The following BMPR2 variants were observed in gnomAD, a reference collection of about 807,000 sequenced individuals.
BMPR2 encodes the protein bone morphogenetic protein receptor type-2.
In BMPR2, 29 loss-of-function variants were observed where a neutral mutation model predicts 100.8. The ratio of observed to expected loss-of-function variants is 0.29; its 90% confidence interval spans 0.21 to 0.39. The LOEUF (loss-of-function observed/expected upper bound fraction) is 0.39. Ranked by LOEUF, BMPR2 falls within the 10% of genes least tolerant of loss-of-function variation. The pLI is 1.00. For missense variants in BMPR2, 1,011 were observed against 1,274.5 expected, an observed-to-expected ratio of 0.79 and a Z score of 3.15; for synonymous variants, 382 against 442.3, an observed-to-expected ratio of 0.86 and a Z score of 1.71.
rs1688677464 is a variant in BMPR2 at position 202,561,426 on chromosome 2, T to C, written c.*1480T>C. ...AGCCCTTTGCTTCTTTCATTACTTA[T>C]AATCTCCTCTAAAACAACCTCTGCA... On this transcript the variant is annotated 3_prime_UTR_variant, in exon 13 of 13. Coordinates refer to ENST00000374580, the MANE Select transcript of BMPR2 (RefSeq NM_001204.7). 1 of 152,160 alleles carries C rather than the reference T, an allele frequency of 6.6e-6. No individual in the cohort carries two copies. The highest frequency in any genetic ancestry group is 2.4e-5 in the African/African-American group (1 of 41,460). 9.4% of individuals were successfully genotyped at this position (152,160 alleles called of 1,614,324 possible).
chr2:202,485,543 A>ATTTTTTTTTTTT (rs1574472655), intron 3 of BMPR2, among the ~76,000 whole-genome samples: 10 of 14,052 alleles, frequency 7.1e-4, no homozygotes, highest in South Asian at 7.9e-3. Flanking sequence ...CTTTGCCTTT[A>ATTTTTTTTTTTT]TCTTTTTTTT....
intron 1 of BMPR2, among the ~76,000 whole-genome samples, chr2:202,379,866 C>CT (rs953107670): frequency 2.0e-5 from 3 of 149,654 alleles, no homozygotes; most frequent in African/African-American, 7.4e-5. Flanking sequence ...TTCTTTCTTT[C>CT]TTTTTTGTTC....
At chr2:202,508,744 A>G (rs1016924179) in intron 3 of BMPR2, among the ~76,000 whole-genome samples, 1 of 152,242 alleles carries the variant, frequency 6.6e-6, no homozygotes, top group African/African-American at 2.4e-5. Flanking sequence ...ATATAGTAGT[A>G]AGTTTTTTAT....
chr2:202,492,761 T>C (rs1013949960), intron 3 of BMPR2, among the ~76,000 whole-genome samples: 1 of 118,908 alleles, frequency 8.4e-6, no homozygotes, highest in Non-Finnish European at 1.8e-5. Flanking sequence ...GTGTGCGAAG[T>C]GGGAAAGCTA....
intron 1 of BMPR2, among the ~76,000 whole-genome samples, chr2:202,394,310 C>A (rs1466886701): frequency 6.6e-6 from 1 of 151,544 alleles, no homozygotes; most frequent in Non-Finnish European, 1.5e-5. Flanking sequence ...AAGATCGTGC[C>A]ATTGCACTCC....
chr2:202,426,153 G>C (rs768239319), intron 1 of BMPR2, among the ~76,000 whole-genome samples: 1 of 152,200 alleles, frequency 6.6e-6, no homozygotes, highest in South Asian at 2.1e-4. Flanking sequence ...GTGGCCAGAA[G>C]TAACACTTTA....
intron 1 of BMPR2, among the ~76,000 whole-genome samples, chr2:202,462,653 T>C (rs1052990742): frequency 2.1e-4 from 32 of 151,840 alleles, no homozygotes; most frequent in African/African-American, 7.5e-4. Context: ...TAACTATACT[T>C]TTTTTTTAAA....
intron 3 of BMPR2, among the ~76,000 whole-genome samples, chr2:202,486,376 C>T (rs1692778282): frequency 6.6e-6 from 1 of 152,102 alleles, no homozygotes; most frequent in Non-Finnish European, 1.5e-5. Flanking sequence ...CGCTTGTAAT[C>T]CCAGCACTTT....
At chr2:202,427,358 CAAAAA>C (rs397872093) in intron 1 of BMPR2, among the ~76,000 whole-genome samples, 5 of 78,858 alleles carry the variant, frequency 6.3e-5, no homozygotes, top group Non-Finnish European at 7.2e-5. Context: ...GACCCTGGCT[CAAAAA>C]AAAAAAAAAA....
chr2:202,452,069 T>TA (rs1049581907), intron 1 of BMPR2, among the ~76,000 whole-genome samples: 5 of 152,078 alleles, frequency 3.3e-5, no homozygotes, highest in Non-Finnish European at 7.4e-5. Context: ...GGTGAGTTTT[T>TA]ATAATTGTAT....
At chr2:202,463,957 C>T (rs1304008241) in intron 1 of BMPR2, among the ~76,000 whole-genome samples, 2 of 151,840 alleles carry the variant, frequency 1.3e-5, no homozygotes, top group Non-Finnish European at 1.5e-5. Flanking sequence ...GTCGAGAGTT[C>T]GGGACCAGCC....
rs547600085 is a variant in BMPR2, at chr2:202,562,399, T to G, written c.*2453T>G. ...AATAATTTCCTTTCACCAGTTTTTC[T>G]TAGTAAACTCCTGAAAAAGTAGGAA... On this transcript the variant is annotated 3_prime_UTR_variant, in exon 13 of 13. Coordinates refer to ENST00000374580, the MANE Select transcript of BMPR2 (RefSeq NM_001204.7). 1.3e-5 allele frequency: 2 copies of G among 152,642 alleles called. No homozygotes were observed. Among genetic ancestry groups the G allele is most frequent in the African/African-American group, 4.8e-5 (2 of 41,464 alleles). 9.5% of individuals were successfully genotyped at this position (152,642 alleles called of 1,614,324 possible).
intron 1 of BMPR2, among the ~76,000 whole-genome samples, chr2:202,412,546 C>G (rs1691035150): frequency 6.6e-6 from 1 of 152,136 alleles, no homozygotes; most frequent in African/African-American, 2.4e-5. Context: ...GTCTTGATCT[C>G]CTGACCTCGT....
chr2:202,383,832 C>T (rs1255844509), intron 1 of BMPR2, among the ~76,000 whole-genome samples: 1 of 150,250 alleles, frequency 6.7e-6, no homozygotes, highest in Non-Finnish European at 1.5e-5. Flanking sequence ...GCCTGGGTGA[C>T]AGGGCGAGAC....
At chr2:202,485,965 G>A (rs1344438172) in intron 3 of BMPR2, among the ~76,000 whole-genome samples, 2 of 152,034 alleles carry the variant, frequency 1.3e-5, no homozygotes, top group Non-Finnish European at 2.9e-5. Flanking sequence ...GGCAAGGGCA[G>A]TTCTCTAAAG....
chr2:202,521,281 G>T (rs867300993), intron 7 of BMPR2, among the ~76,000 whole-genome samples: 9 of 152,184 alleles, frequency 5.9e-5, no homozygotes, highest in South Asian at 2.1e-4. Flanking sequence ...AATATTGGCA[G>T]CCCGGGCGTG....
rs750825305 is a variant in BMPR2 at position 202,464,924 on chromosome 2, C to T, written c.192C>T (p.Ser64=). ...GGACAATATTATGCTCGAAAGGTAG[C>T]ACCTGCTATGGCCTTTGGGAGAAAT... ...ENGTILCSKG[S]TCYGLWEKSK... The change falls in exon 2 of 13, where the codon AGC becomes AGT. Residue 64 remains serine, a synonymous_variant. Transcript: ENST00000374580. The T allele has an allele frequency of 1.9e-6, 3 of 1,613,946 alleles. No homozygotes were observed. The highest frequency in any genetic ancestry group is 2.7e-5 in the African/African-American group (2 of 74,898).
intron 1 of BMPR2, among the ~76,000 whole-genome samples, chr2:202,384,277 G>T (rs778970677): frequency 6.6e-6 from 1 of 152,196 alleles, no homozygotes; most frequent in Non-Finnish European, 1.5e-5. Flanking sequence ...CATCAGTAAC[G>T]TTTAAAATAC....
chr2:202,462,925 C>A (rs1051761190), intron 1 of BMPR2, among the ~76,000 whole-genome samples: 1 of 151,992 alleles, frequency 6.6e-6, no homozygotes, highest in African/African-American at 2.4e-5. Context: ...GTTAGCCAGG[C>A]TGGTCTCGAA....
Sources: gnomAD v4.1 joint callset for allele counts (sites outside exome capture counted in the v4.1 genomes callset) on GRCh38, gnomAD v4.1.1 for gene constraint, MANE v1.5 for transcripts, NCBI Gene and HGNC (gene_info 2026-07-23, HGNC 2026-07-21) for gene names.